The following UBE2L6 variants were observed in gnomAD, a reference collection of about 807,000 sequenced individuals.
UBE2L6 encodes ubiquitin conjugating enzyme E2 L6.
UBE2L6 carries 11 observed loss-of-function variants against 13.6 expected under a neutral mutation model. That is an observed-to-expected ratio of 0.81 (90% CI 0.51 to 1.34). UBE2L6 has a LOEUF of 1.34. Among genes scored for constraint, UBE2L6 ranks in the 40% most tolerant of loss-of-function variants. The pLI is 0.00. For missense variants in UBE2L6, 197 were observed against 199.5 expected, an observed-to-expected ratio of 0.99 and a Z score of 0.07; for synonymous variants, 74 against 83.2, an observed-to-expected ratio of 0.89 and a Z score of 0.60.
At chr11:57,559,714 C>T (rs1945024307) in intron 2 of UBE2L6, among the ~76,000 whole-genome samples, 1 of 151,936 alleles carries the variant, frequency 6.6e-6, no homozygotes, top group African/African-American at 2.4e-5. Flanking sequence ...ATTTTATTTC[C>T]AAGTAATGAA....
At position 57,552,155 on chromosome 11, in the gene UBE2L6, G is replaced by C. The variant is rs968077975; in HGVS notation, c.*203C>G. The C allele has an allele frequency of 2.3e-5, 16 of 696,542 alleles. No individual in the cohort carries two copies. Among genetic ancestry groups the C allele is most frequent in the Non-Finnish European group, 1.9e-5 (8 of 425,998 alleles). The allele number at this position is 696,542 out of a possible 1,614,324, so 43.1% of individuals were successfully genotyped here. On this transcript the variant is annotated 3_prime_UTR_variant, in exon 4 of 4. Transcript: ENST00000287156. ...TGTGGGAAGGGTGCACCTGTGGCCA[G>C]GTGAACCTGGGAGTGAGTCCATACA...
chr11:57,554,910 TA>T (rs766606873), intron 2 of UBE2L6, among the ~76,000 whole-genome samples: 1 of 119,566 alleles, frequency 8.4e-6, no homozygotes, highest in Non-Finnish European at 1.8e-5. Context: ...GAAAAGTGGA[TA>T]AAGATGGACT....
chr11:57,559,600 ACT>A (rs1221904695), intron 2 of UBE2L6, among the ~76,000 whole-genome samples: 1 of 151,590 alleles, frequency 6.6e-6, no homozygotes, highest in African/African-American at 2.4e-5. Flanking sequence ...ACACAGTAAG[ACT>A]CTGTCTCAAA....
chr11:57,558,071 C>CTACTTTATT (rs1945011067), intron 2 of UBE2L6, among the ~76,000 whole-genome samples: 1 of 152,076 alleles, frequency 6.6e-6, no homozygotes, highest in Admixed American at 6.6e-5. Flanking sequence ...AAGGATTTTG[C>CTACTTTATT]TACTTTATTT....
In UBE2L6 at chr11:57,552,324, C is replaced by T. The variant is rs751049878; in HGVS notation, c.*34G>A. 2.7e-5 allele frequency: 44 copies of T among 1,611,776 alleles called. No homozygotes were observed. In the Middle Eastern group the frequency reaches 4.9e-4, roughly 18 times the overall value. On this transcript the variant is annotated 3_prime_UTR_variant, in exon 4 of 4. Coordinates refer to ENST00000287156, the MANE Select transcript of UBE2L6 (RefSeq NM_004223.5). Reference sequence around the variant, plus strand: ...CATGAGGTGTGTCCGTCCGCTATGCCGAGGATCCAGTGCACAGAGGGTCAG... The same window carrying T: ...CATGAGGTGTGTCCGTCCGCTATGCTGAGGATCCAGTGCACAGAGGGTCAG...
chr11:57,566,495 G>C (rs1288119315), intron 1 of UBE2L6, among the ~76,000 whole-genome samples: 3 of 152,198 alleles, frequency 2.0e-5, no homozygotes, highest in Non-Finnish European at 4.4e-5. Context: ...TCACAGAACT[G>C]CTGTGCGAAT....
At chr11:57,560,655 C>G in intron 1 of UBE2L6, 1 of 412,270 alleles carries the variant, frequency 2.4e-6, no homozygotes, top group Non-Finnish European at 4.4e-6. Flanking sequence ...GAGTCTCGCT[C>G]TGTTGCCCAG....
intron 2 of UBE2L6, among the ~76,000 whole-genome samples, chr11:57,556,749 C>T (rs1283442000): frequency 1.3e-5 from 2 of 151,948 alleles, no homozygotes; most frequent in East Asian, 3.9e-4. Flanking sequence ...TGGGAGGGTG[C>T]TGTGGTTGGA....
At chr11:57,559,479 C>G (rs1396217375) in intron 2 of UBE2L6, among the ~76,000 whole-genome samples, 1 of 152,104 alleles carries the variant, frequency 6.6e-6, no homozygotes, top group East Asian at 1.9e-4. Flanking sequence ...GGCATAGTGG[C>G]ACGTGCCTGT....
At chr11:57,562,043 A>C (rs1590810614) in intron 1 of UBE2L6, among the ~76,000 whole-genome samples, 1 of 152,356 alleles carries the variant, frequency 6.6e-6, no homozygotes, top group Admixed American at 6.5e-5. Flanking sequence ...AGATGCTGAT[A>C]AACATCCTAA....
At chr11:57,553,805 G>A (rs530013461) in intron 3 of UBE2L6, among the ~76,000 whole-genome samples, 3 of 152,282 alleles carry the variant, frequency 2.0e-5, no homozygotes, top group South Asian at 2.1e-4. Flanking sequence ...CAGCCTAGGC[G>A]ACAGAGCGAG....
chr11:57,557,426 A>C (rs1318537680), intron 2 of UBE2L6, among the ~76,000 whole-genome samples: 3 of 128,148 alleles, frequency 2.3e-5, no homozygotes, highest in Non-Finnish European at 3.2e-5. Context: ...ATGGAGTTTC[A>C]CTTTGCTGCC....
At chr11:57,557,112 T>C (rs906499241) in intron 2 of UBE2L6, among the ~76,000 whole-genome samples, 1 of 150,900 alleles carries the variant, frequency 6.6e-6, no homozygotes, top group Non-Finnish European at 1.5e-5. Flanking sequence ...TGATCCCCAA[T>C]GTTGGAGGTG....
chr11:57,553,407 T>C (rs963081119), intron 3 of UBE2L6, among the ~76,000 whole-genome samples: 3 of 152,192 alleles, frequency 2.0e-5, no homozygotes, highest in African/African-American at 7.2e-5. Flanking sequence ...GGTGGGAGGA[T>C]GGCTTGAGCC....
intron 1 of UBE2L6, chr11:57,567,092 C>T (rs1426330016): frequency 4.4e-6 from 2 of 456,620 alleles, no homozygotes; most frequent in Non-Finnish European, 8.8e-6. Context: ...GAACTTTGTC[C>T]CAAATTCTAA....
In UBE2L6 at chr11:57,552,309, G is replaced by A; in HGVS notation, c.*49C>T. On this transcript the variant is annotated 3_prime_UTR_variant, in exon 4 of 4. Coordinates refer to ENST00000287156, the MANE Select transcript of UBE2L6 (RefSeq NM_004223.5). ...GCTCTGGCCTCAGTCCATGAGGTGTGTCCGTCCGCTATGCCGAGGATCCAG... is the reference window on the plus strand; with the variant it reads ...GCTCTGGCCTCAGTCCATGAGGTGTATCCGTCCGCTATGCCGAGGATCCAG... 6.2e-7 allele frequency: 1 copy of A among 1,607,716 alleles called. No homozygotes were observed. Among genetic ancestry groups the A allele is most frequent in the South Asian group, 1.1e-5 (1 of 90,336 alleles).
chr11:57,561,491 TGA>T (rs1945047006), intron 1 of UBE2L6, among the ~76,000 whole-genome samples: 1 of 151,754 alleles, frequency 6.6e-6, no homozygotes, highest in South Asian at 2.1e-4. Flanking sequence ...AGGAAGGAGA[TGA>T]GAGGGGAGAA....
At chr11:57,567,830 G>GGA, upstream of UBE2L6, 1 of 497,872 alleles carries the variant, frequency 2.0e-6, no homozygotes, top group Non-Finnish European at 3.4e-6. Context: ...CGCGCGGAAG[G>GGA]CTCGGACCCG....
chr11:57,554,405 C>T (rs1157508117), intron 3 of UBE2L6, 32 bp downstream of exon 3: 22 of 1,609,216 alleles, frequency 1.4e-5, no homozygotes, highest in Non-Finnish European at 1.7e-5. Flanking sequence ...TACCCAGTAT[C>T]AGTCCCTCCT....
Sources: gnomAD v4.1 joint callset for allele counts (sites outside exome capture counted in the v4.1 genomes callset) on GRCh38, gnomAD v4.1.1 for gene constraint, MANE v1.5 for transcripts, NCBI Gene and HGNC (gene_info 2026-07-23, HGNC 2026-07-21) for gene names.